The following GPBP1L1 variants were observed in gnomAD, a reference collection of about 807,000 sequenced individuals.
GPBP1L1 encodes the protein GC-rich promoter binding protein 1 like 1.
GPBP1L1 carries 23 observed loss-of-function variants against 52.5 expected under a neutral mutation model. The observed-to-expected ratio is 0.44, with a 90% CI of 0.32 to 0.62. The LOEUF (loss-of-function observed/expected upper bound fraction) is 0.62, where lower values mean the gene tolerates loss of function less well. GPBP1L1 is among the 20% of genes least tolerant of loss of function. The probability of loss-of-function intolerance (pLI) is 0.06; values close to 1 mark genes in which losing one functional copy is unlikely to be tolerated. For synonymous variants in GPBP1L1, 243 were observed against 203.1 expected (o/e 1.20, Z -1.67); for missense variants, 596 against 579.3 (o/e 1.03, Z -0.30).
chr1:45,643,658 CTTTTTTTTTTTT>C (rs113388167), intron 6 of GPBP1L1, among the ~76,000 whole-genome samples: 36 of 65,112 alleles, frequency 5.5e-4, no homozygotes, highest in African/African-American at 1.6e-3. Flanking sequence ...AGGAGAATGG[CTTTTTTTTTTTT>C]TTTTTTTTTT....
intron 2 of GPBP1L1, among the ~76,000 whole-genome samples, chr1:45,683,129 T>C (rs1484860595): frequency 1.3e-5 from 2 of 151,628 alleles, no homozygotes; most frequent in Non-Finnish European, 2.9e-5. Flanking sequence ...AGTCTTACTT[T>C]CATGTTTAAA....
chr1:45,651,617 T>C lies in GPBP1L1; in HGVS notation c.477+2926A>G, dbSNP rs1482334162. On this transcript the variant is annotated intron_variant, in intron 6 of 12. Transcript: ENST00000355105. ...CGCAGGAGGCATTTTCAGCTGCATATAGAGGATGGCTCTCTGCTGCTGCAA... is the reference window on the plus strand; with the variant it reads ...CGCAGGAGGCATTTTCAGCTGCATACAGAGGATGGCTCTCTGCTGCTGCAA... The C allele has an allele frequency of 2.5e-5, 17 of 685,170 alleles. No homozygotes were observed. The East Asian group carries it at 3.5e-4, about 14-fold the overall frequency. 42.4% of individuals were successfully genotyped at this position (685,170 alleles called of 1,614,324 possible). A position where few individuals can be genotyped will look rare whatever the true frequency, so the allele number is the denominator to read the frequency against.
At chr1:45,641,453 T>C (rs1237064086) in intron 7 of GPBP1L1, among the ~76,000 whole-genome samples, 1 of 148,722 alleles carries the variant, frequency 6.7e-6, no homozygotes, top group South Asian at 2.1e-4. Context: ...TACACACACA[T>C]ACACATAAAC....
At chr1:45,655,082 C>T (rs1644868622) in intron 5 of GPBP1L1, 108 bp downstream of exon 5, 3 of 1,400,796 alleles carry the variant, frequency 2.1e-6, no homozygotes, top group Non-Finnish European at 3.0e-6. Flanking sequence ...TAAATGAAAA[C>T]TATGTTCAGA....
At chr1:45,685,730 C>T (rs1352985766) in intron 1 of GPBP1L1, 110 bp from the exon 2 acceptor site, 1 of 152,196 alleles carries the variant, frequency 6.6e-6, no homozygotes, top group Non-Finnish European at 1.5e-5. Context: ...GGCACTTCCC[C>T]AAGCTACAGC....
At chr1:45,640,000 C>A (rs1644649744) in intron 8 of GPBP1L1, among the ~76,000 whole-genome samples, 2 of 151,050 alleles carry the variant, frequency 1.3e-5, no homozygotes, top group Admixed American at 1.3e-4. Flanking sequence ...TGTGCCACTG[C>A]ATTCCAGCCT....
chr1:45,641,914 T>C (rs1334572993), intron 7 of GPBP1L1: 3 of 152,206 alleles, frequency 2.0e-5, no homozygotes, highest in Admixed American at 1.3e-4. Flanking sequence ...TTGGCTACGG[T>C]GGCTCATGCC....
intron 9 of GPBP1L1, 71 bp downstream of exon 9, chr1:45,634,025 T>C (rs1644563538): frequency 1.4e-6 from 2 of 1,435,996 alleles, no homozygotes; most frequent in Admixed American, 2.0e-5. Flanking sequence ...GCTATACATA[T>C]TACACTTGTT....
chr1:45,655,965 TCTCA>T (rs1311862001), intron 4 of GPBP1L1: 1 of 152,372 alleles, frequency 6.6e-6, no homozygotes, highest in African/African-American at 2.4e-5. Context: ...GAGATGGGGG[TCTCA>T]CTATGTTGCC....
At chr1:45,650,197 T>A (rs943975508) in intron 6 of GPBP1L1, among the ~76,000 whole-genome samples, 21 of 152,026 alleles carry the variant, frequency 1.4e-4, no homozygotes, top group Non-Finnish European at 1.5e-5. Flanking sequence ...ACTCCTCAGG[T>A]TTCAAACACA....
At chr1:45,667,835 C>T (rs1349002036) in intron 2 of GPBP1L1, among the ~76,000 whole-genome samples, 1 of 152,178 alleles carries the variant, frequency 6.6e-6, no homozygotes, top group African/African-American at 2.4e-5. Flanking sequence ...GCAACCCCCA[C>T]CTCCTGGGTT....
chr1:45,680,188 T>A (rs1645195249), intron 2 of GPBP1L1, among the ~76,000 whole-genome samples: 1 of 151,548 alleles, frequency 6.6e-6, no homozygotes, highest in South Asian at 2.1e-4. Context: ...ATAGTTTTTT[T>A]AAACAAATGA....
chr1:45,659,656 CTT>C (rs1644925302), intron 3 of GPBP1L1, among the ~76,000 whole-genome samples: 3 of 152,164 alleles, frequency 2.0e-5, no homozygotes, highest in African/African-American at 7.2e-5. Flanking sequence ...TAGAAAAGAT[CTT>C]CTTGGCTGGG....
chr1:45,630,691 C>G (rs551361636), intron 10 of GPBP1L1, 85 bp from the exon 11 acceptor site: 1 of 1,466,680 alleles, frequency 6.8e-7, no homozygotes, highest in African/African-American at 1.4e-5. Flanking sequence ...GGACTCACGA[C>G]CCAGGAAGTG....
At position 45,665,525 on chromosome 1, in the gene GPBP1L1, C is replaced by T. The variant is rs987832430; in HGVS notation, c.-1097-4300G>A. Among the ~76,000 whole-genome samples the T allele has an allele frequency of 6.6e-5, 10 of 151,818 alleles. 1 individual carries two copies. The highest frequency in any genetic ancestry group is 3.3e-4 in the Admixed American group (5 of 15,226). On this transcript the variant is annotated intron_variant, in intron 2 of 12. Transcript: ENST00000355105. Reference sequence around the variant, plus strand: ...CAGCACTTTGAGAGTCTGAGGCAGGCGGATCACAAGTTCGAGACCAGCCCG... The same window carrying T: ...CAGCACTTTGAGAGTCTGAGGCAGGTGGATCACAAGTTCGAGACCAGCCCG...
intron 2 of GPBP1L1, among the ~76,000 whole-genome samples, chr1:45,663,363 G>C (rs1019719854): frequency 2.0e-5 from 3 of 152,092 alleles, no homozygotes; most frequent in African/African-American, 7.2e-5. Context: ...ATCACCACTA[G>C]GTACCTTCCG....
At chr1:45,644,313 C>G (rs368037843) in intron 6 of GPBP1L1, among the ~76,000 whole-genome samples, 2 of 152,186 alleles carry the variant, frequency 1.3e-5, no homozygotes, top group African/African-American at 4.8e-5. Context: ...CCAGGGTTCT[C>G]AGAGACAATG....
upstream of GPBP1L1, chr1:45,687,369 G>C (rs1357563847): frequency 6.6e-6 from 1 of 152,290 alleles, no homozygotes; most frequent in Non-Finnish European, 1.5e-5. Context: ...TATTAAGGAA[G>C]ACTTCGCTGT....
At chr1:45,645,756 C>G (rs887388872) in intron 6 of GPBP1L1, 40 of 353,216 alleles carry the variant, frequency 1.1e-4, no homozygotes, top group Non-Finnish European at 1.9e-4. Context: ...GAACGATATT[C>G]CGAAGTTTTT....
Sources: gnomAD v4.1 joint callset for allele counts (sites outside exome capture counted in the v4.1 genomes callset) on GRCh38, gnomAD v4.1.1 for gene constraint, MANE v1.5 for transcripts, NCBI Gene and HGNC (gene_info 2026-07-23, HGNC 2026-07-21) for gene names.